Variants in CCDC120 observed in about 807,000 individuals in gnomAD.
The protein encoded by CCDC120 is coiled-coil domain containing 120, also known as coiled-coil domain-containing protein 120.
CCDC120 carries 16 observed loss-of-function variants against 37.6 expected under a neutral mutation model. That is an observed-to-expected ratio of 0.43 (90% confidence interval 0.29 to 0.65). CCDC120 has a LOEUF of 0.65. CCDC120 is among the 30% of genes least tolerant of loss of function. The probability of loss-of-function intolerance (pLI) is 0.18; values close to 1 mark genes in which losing one functional copy is unlikely to be tolerated. For missense variants in CCDC120, 650 were observed against 657.4 expected, an observed-to-expected ratio of 0.99 and a Z score of 0.12; for synonymous variants, 309 against 275.4, an observed-to-expected ratio of 1.12 and a Z score of -1.21.
At position 49,061,447 on chromosome X, in the gene CCDC120, G is replaced by C. The variant is rs781925330; in HGVS notation, c.-83-512G>C. 3.1e-4 allele frequency among the ~76,000 whole-genome samples: 35 copies of C among 112,860 alleles called. No homozygotes were observed. In the East Asian group the frequency reaches 7.2e-3, roughly 23 times the overall value. On this transcript the variant is annotated intron_variant, in intron 1 of 10. Coordinates refer to ENST00000603986, the MANE Select transcript of CCDC120 (RefSeq NM_001163321.4). ...GCACTTGTGTGTACAGCCATGTTCA[G>C]GGTGCTGGTGATGCTGCTGAAAATG...
rs58827125 is a variant in CCDC120 at position 49,060,427 on chromosome X, CAAAAAAAAAAAAA to C, written c.-84+1348_-84+1360del. ...AAGTGACAGAGCCAGGCCCTATCTC[CAAAAAAAAAAAAA>C]AAAAAAAAAAAAAAAGAATCGAAGC... On this transcript the variant is annotated intron_variant, in intron 1 of 10. Transcript: ENST00000603986. 4.3e-4 allele frequency among the ~76,000 whole-genome samples: 18 copies of C among 42,130 alleles called. 1 individual carries two copies. The East Asian group carries it at 5.1e-3, about 12-fold the overall frequency. 36.6% of individuals were successfully genotyped at this position (42,130 alleles called of 115,157 possible).
Position 49,067,695 on chromosome X carries a change from T to C in CCDC120, c.1581T>C (p.Tyr527=). 8.3e-7 allele frequency: 1 copy of C among 1,200,353 alleles called. No homozygotes were observed. The highest frequency in any genetic ancestry group is 1.1e-6 in the Non-Finnish European group (1 of 887,481). Residue 527 remains tyrosine, a synonymous_variant, in exon 10 of 11, where the codon TAT becomes TAC. Coordinates refer to ENST00000603986, the MANE Select transcript of CCDC120 (RefSeq NM_001163321.4). ...LTMLPGPPPV[Y]AADSNSPLLR... ...TGCTCCCCGGCCCACCACCTGTGTA[T>C]GCAGCTGACAGCAACAGCCCCCTCC... is the stretch of plus-strand genomic sequence containing the variant.
Position 49,065,510 on chromosome X carries a change from G to T in CCDC120, c.844G>T (p.Asp282Tyr). Residue 282 changes from aspartate (D) to tyrosine (Y), a missense_variant, in exon 8 of 11, where the codon GAC becomes TAC. By Grantham distance (160) the Asp-to-Tyr change is radical. This residue lies in a region of CCDC120 where 576 missense variants were observed against 565.3 expected (regional missense o/e 1.02). Transcript: ENST00000603986. The part of the protein sequence containing the change: ...AERPSPPKAW[D>Y]QLRAVSGGSP... ...GCGCCCCTCACCACCCAAGGCTTGG[G>T]ACCAGCTGCGGGCAGTATCTGGGGG... The T allele has an allele frequency of 8.3e-7, 1 of 1,209,860 alleles. No homozygotes were observed. The highest frequency in any genetic ancestry group is 1.1e-6 in the Non-Finnish European group (1 of 894,653).
upstream of CCDC120, among the ~76,000 whole-genome samples, chrX:49,055,107 C>G (rs966343480): frequency 1.8e-5 from 2 of 112,405 alleles, no homozygotes; most frequent in African/African-American, 6.5e-5. Context: ...CTCCCCTATC[C>G]CCACCCTAGT....
intron 1 of CCDC120, among the ~76,000 whole-genome samples, chrX:49,061,098 G>A (rs2064881124): frequency 8.9e-6 from 1 of 111,776 alleles, no homozygotes; most frequent in African/African-American, 3.3e-5. Context: ...GGGGTGGCCA[G>A]CCAAGGCAGG....
chrX:49,061,826 T>C, intron 1 of CCDC120, 133 bp from the exon 2 acceptor site: 3 of 650,840 alleles, frequency 4.6e-6, no homozygotes, highest in Non-Finnish European at 6.7e-6. Context: ...AAAATGGGGA[T>C]ACGAATCTTT....
chrX:49,057,443 T>C (rs782720131), upstream of CCDC120, among the ~76,000 whole-genome samples: 6 of 112,483 alleles, frequency 5.3e-5, no homozygotes, highest in Admixed American at 1.9e-4. Flanking sequence ...TCTGATTTTA[T>C]TACTGTCTCA....
Position 49,067,803 on chromosome X carries a change from G to A in CCDC120, c.1689G>A (p.Val563=). Residue 563 remains valine (V), a synonymous_variant, in exon 10 of 11, where the codon GTG becomes GTA. Transcript: ENST00000603986. ...LPPEAAEGPE[V]HPNPLLWMPP... ...CAGAGGCTGCCGAAGGCCCTGAGGT[G>A]CATCCAAACCCTCTGCTGTGGATGC... The A allele has an allele frequency of 8.4e-7, 1 of 1,192,350 alleles. No individual in the cohort carries two copies. The highest frequency in any genetic ancestry group is 1.1e-6 in the Non-Finnish European group (1 of 884,906).
chrX:49,058,713 G>C (rs1265833873), upstream of CCDC120, among the ~76,000 whole-genome samples: 1 of 112,463 alleles, frequency 8.9e-6, no homozygotes, highest in African/African-American at 3.2e-5. Flanking sequence ...GTAGAGATGG[G>C]GGTCTCATTA....
At chrX:49,061,593 A>T (rs1557079453) in intron 1 of CCDC120, among the ~76,000 whole-genome samples, 2 of 112,531 alleles carry the variant, frequency 1.8e-5, no homozygotes, top group African/African-American at 6.5e-5. Flanking sequence ...GATAAGTGTG[A>T]TGCAGGGGCT....
upstream of CCDC120, among the ~76,000 whole-genome samples, chrX:49,058,694 A>G (rs959640500): frequency 8.9e-6 from 1 of 112,670 alleles, no homozygotes; most frequent in Non-Finnish European, 1.9e-5. Flanking sequence ...AGTTTTAAAA[A>G]AAATTTTTGT....
At chrX:49,057,061 G>A (rs1224725689), upstream of CCDC120, among the ~76,000 whole-genome samples, 1 of 111,593 alleles carries the variant, frequency 9.0e-6, no homozygotes, top group African/African-American at 3.3e-5. Context: ...GTGACAGCAG[G>A]GTCACGTGAG....
At chrX:49,058,014 C>T (rs1030209863), upstream of CCDC120, among the ~76,000 whole-genome samples, 1 of 111,858 alleles carries the variant, frequency 8.9e-6, no homozygotes, top group Non-Finnish European at 1.9e-5. Flanking sequence ...AGCCCCCTTC[C>T]CTACTTCTCC....
chrX:49,068,695 T>C lies in CCDC120; in HGVS notation c.*37T>C, dbSNP rs1399465823. 1.4e-5 allele frequency: 15 copies of C among 1,067,445 alleles called. No homozygotes were observed. Among genetic ancestry groups the C allele is most frequent in the Non-Finnish European group, 1.7e-5 (14 of 821,405 alleles). 88.0% of individuals were successfully genotyped at this position (1,067,445 alleles called of 1,213,427 possible). ...ATGTCCCTTGTTGGCCTGGGCACGA[T>C]TCCAATCTGGGGAGCACACAGCTGA... is the stretch of plus-strand genomic sequence containing the variant. On this transcript the variant is annotated 3_prime_UTR_variant, in exon 11 of 11. Transcript: ENST00000603986.
Position 49,069,765 on chromosome X carries a change from C to T in CCDC120, c.*1107C>T, listed in dbSNP as rs1375711233. 2.7e-5 allele frequency: 3 copies of T among 112,372 alleles called. No homozygotes were observed. The Admixed American group carries it at 2.8e-4, about 11-fold the overall frequency. 9.3% of individuals were successfully genotyped at this position (112,372 alleles called of 1,213,427 possible). On this transcript the variant is annotated 3_prime_UTR_variant, in exon 11 of 11. Transcript: ENST00000603986. ...GGGTTCCCCTACCCCCTTTTCCTGG[C>T]GTTAAGCTTTTCTTTTTATACCAGT...
At chrX:49,054,011 C>G (rs1322628558), upstream of CCDC120, 1 of 112,883 alleles carries the variant, frequency 8.9e-6, no homozygotes, top group Non-Finnish European at 1.9e-5. Context: ...CCCCTTACGA[C>G]CTGACTACAT....
upstream of CCDC120, among the ~76,000 whole-genome samples, chrX:49,058,762 A>T (rs1279825870): frequency 1.8e-5 from 2 of 112,523 alleles, no homozygotes; most frequent in South Asian, 3.6e-4. Context: ...GCTTCAAGCA[A>T]TCCTCCCACC....
At chrX:49,064,224 C>T in intron 5 of CCDC120, 146 bp from the exon 6 acceptor site, 1 of 784,738 alleles carries the variant, frequency 1.3e-6, no homozygotes, top group Non-Finnish European at 1.8e-6. Flanking sequence ...AGACCCAGCC[C>T]TTCACCAAGA....
intron 5 of CCDC120, 23 bp downstream of exon 5, chrX:49,064,024 C>A: frequency 8.5e-7 from 1 of 1,175,817 alleles, no homozygotes; most frequent in Non-Finnish European, 1.1e-6. Flanking sequence ...GTGTGGAGAG[C>A]AAGAGGGTGG....
Sources: allele counts gnomAD v4.1 joint callset (sites outside exome capture counted in the v4.1 genomes callset), GRCh38; gene constraint gnomAD v4.1.1; regional missense constraint gnomAD v4.1.1; transcripts MANE v1.5; gene names NCBI Gene and HGNC (gene_info 2026-07-23, HGNC 2026-07-21).